Variants in STK3 observed in about 807,000 individuals in gnomAD.
STK3 encodes serine/threonine kinase 3, also known as serine/threonine-protein kinase 3.
Under a neutral mutation model 58.0 loss-of-function variants are expected in STK3, and 41 were observed. The ratio of observed to expected loss-of-function variants is 0.71; its 90% CI spans 0.55 to 0.92. STK3 has a LOEUF of 0.92. Among genes scored for constraint, STK3 ranks in the 40% least tolerant of loss-of-function variants. The probability of loss-of-function intolerance (pLI) is 0.00; values close to 1 mark genes in which losing one functional copy is unlikely to be tolerated. For missense variants in STK3, 479 were observed against 602.7 expected (o/e 0.79, Z 2.15); for synonymous variants, 170 against 191.0 (o/e 0.89, Z 0.91).
At chr8:98,757,430 C>A (rs1264595146) in intron 3 of STK3, among the ~76,000 whole-genome samples, 2 of 149,660 alleles carry the variant, frequency 1.3e-5, no homozygotes, top group Middle Eastern at 3.2e-3. Flanking sequence ...CCTGTCTCTA[C>A]TAAAGATATA....
At chr8:98,490,707 T>C (rs1196114784) in intron 10 of STK3, among the ~76,000 whole-genome samples, 1 of 152,216 alleles carries the variant, frequency 6.6e-6, no homozygotes, top group Non-Finnish European at 1.5e-5. Flanking sequence ...TGGAATTACA[T>C]GGGAGCCTTT....
chr8:98,917,553 A>G (rs1839390012), intron 1 of STK3, among the ~76,000 whole-genome samples: 1 of 152,210 alleles, frequency 6.6e-6, no homozygotes, highest in Admixed American at 6.5e-5. Flanking sequence ...AAGAAACCTC[A>G]GAGAGCTCAT....
intron 1 of STK3, among the ~76,000 whole-genome samples, chr8:98,813,364 T>A (rs1253224863): frequency 1.3e-5 from 2 of 152,254 alleles, no homozygotes; most frequent in African/African-American, 4.8e-5. Flanking sequence ...TGTAATCTGA[T>A]GATCTCATAG....
chr8:98,935,677 T>G (rs1840168994), intron 1 of STK3, among the ~76,000 whole-genome samples: 1 of 152,160 alleles, frequency 6.6e-6, no homozygotes, highest in Non-Finnish European at 1.5e-5. Context: ...AGTCTTACTG[T>G]CAAAGCAGAT....
intron 1 of STK3, among the ~76,000 whole-genome samples, chr8:98,798,443 C>G (rs780380165): frequency 6.6e-6 from 1 of 152,110 alleles, no homozygotes; most frequent in African/African-American, 2.4e-5. Flanking sequence ...TGTTTTTAAT[C>G]AAAGGCCCCC....
chr8:98,822,362 G>A (rs1299723518), intron 1 of STK3, among the ~76,000 whole-genome samples: 3 of 151,928 alleles, frequency 2.0e-5, no homozygotes, highest in African/African-American at 7.3e-5. Flanking sequence ...CCAGGATAGA[G>A]TGCAGTGGCA....
intron 7 of STK3, among the ~76,000 whole-genome samples, chr8:98,583,443 T>C (rs913682836): frequency 6.6e-6 from 1 of 152,014 alleles, no homozygotes; most frequent in African/African-American, 2.4e-5. Flanking sequence ...AAATACTGCA[T>C]TGACATTTTC....
chr8:98,834,726 A>G (rs746577856), intron 3 of STK3, among the ~76,000 whole-genome samples: 1 of 152,234 alleles, frequency 6.6e-6, no homozygotes, highest in Non-Finnish European at 1.5e-5. Flanking sequence ...GGTAGCCCTT[A>G]TGACTTAATC....
intron 2 of STK3, among the ~76,000 whole-genome samples, chr8:98,435,947 A>G (rs1293942530): frequency 6.6e-6 from 1 of 152,014 alleles, no homozygotes; most frequent in Non-Finnish European, 1.5e-5. Context: ...GGTGATCTCT[A>G]CTGGCGACCT....
At chr8:98,601,444 A>G (rs1418487041) in intron 6 of STK3, 1 of 152,232 alleles carries the variant, frequency 6.6e-6, no homozygotes, top group Admixed American at 6.5e-5. Flanking sequence ...GCCAACACTT[A>G]AAGAACTTTA....
At chr8:98,628,069 T>A (rs995530938) in intron 6 of STK3, among the ~76,000 whole-genome samples, 7 of 152,222 alleles carry the variant, frequency 4.6e-5, no homozygotes, top group Admixed American at 2.6e-4. Flanking sequence ...CTGTCTCTAG[T>A]TTCTCCTTTA....
intron 4 of STK3, among the ~76,000 whole-genome samples, chr8:98,715,626 G>C (rs1278558492): frequency 1.3e-5 from 2 of 152,110 alleles, no homozygotes; most frequent in South Asian, 2.1e-4. Context: ...AAAAAGTCAG[G>C]AAACAACAAG....
chr8:98,614,550 G>C (rs972587343), intron 6 of STK3, among the ~76,000 whole-genome samples: 2 of 152,140 alleles, frequency 1.3e-5, no homozygotes, highest in African/African-American at 4.8e-5. Context: ...TGAGGTACCG[G>C]GTTCATCTCA....
At chr8:98,650,277 T>C (rs999157708) in intron 6 of STK3, among the ~76,000 whole-genome samples, 5 of 152,274 alleles carry the variant, frequency 3.3e-5, no homozygotes, top group Non-Finnish European at 5.9e-5. Context: ...ATAATGATAA[T>C]AGAGGACATA....
At chr8:98,515,042 GATCTA>G (rs1824822266) in intron 10 of STK3, among the ~76,000 whole-genome samples, 1 of 151,928 alleles carries the variant, frequency 6.6e-6, no homozygotes, top group African/African-American at 2.4e-5. Flanking sequence ...GATTCTAAAT[GATCTA>G]ATCTAGATGA....
intron 7 of STK3, among the ~76,000 whole-genome samples, chr8:98,593,928 T>A (rs1228653323): frequency 6.6e-6 from 1 of 152,056 alleles, no homozygotes; most frequent in Admixed American, 6.6e-5. Context: ...GTTTGTTAGG[T>A]TAAATACACA....
chr8:98,706,846 C>T (rs1826003480), intron 5 of STK3, among the ~76,000 whole-genome samples: 1 of 152,166 alleles, frequency 6.6e-6, no homozygotes, highest in Non-Finnish European at 1.5e-5. Context: ...ATCCACACTA[C>T]CATCATTAAA....
chr8:98,792,971 A>C (rs563905110), intron 1 of STK3, among the ~76,000 whole-genome samples: 2 of 152,146 alleles, frequency 1.3e-5, no homozygotes, highest in South Asian at 4.1e-4. Flanking sequence ...GTGTATGTAT[A>C]TATATGATGG....
chr8:98,756,843 T>C (rs1830315949), intron 3 of STK3, among the ~76,000 whole-genome samples: 1 of 152,160 alleles, frequency 6.6e-6, no homozygotes, highest in African/African-American at 2.4e-5. Flanking sequence ...GGTTACACTC[T>C]AGGGTCAACT....
Sources: gnomAD v4.1 joint callset for allele counts (sites outside exome capture counted in the v4.1 genomes callset) on GRCh38, gnomAD v4.1.1 for gene constraint, MANE v1.5 for transcripts, NCBI Gene and HGNC (gene_info 2026-07-23, HGNC 2026-07-21) for gene names.